RPTOR: variants seen among roughly 807,000 people sequenced by gnomAD.
RPTOR encodes regulatory-associated protein of mTOR.
In RPTOR, 21 loss-of-function variants were observed where a neutral mutation model predicts 169.9. The ratio of observed to expected loss-of-function variants is 0.12; its 90% CI spans 0.09 to 0.18. The LOEUF is 0.18. Among genes scored for constraint, RPTOR ranks in the 10% least tolerant of loss-of-function variants. The pLI is 1.00. For missense variants in RPTOR, 1,133 were observed against 1,855.9 expected, an observed-to-expected ratio of 0.61 and a Z score of 7.16; for synonymous variants, 732 against 753.2, an observed-to-expected ratio of 0.97 and a Z score of 0.46.
At chr17:80,688,827 G>A (rs2065968551) in intron 3 of RPTOR, among the ~76,000 whole-genome samples, 1 of 152,256 alleles carries the variant, frequency 6.6e-6, no homozygotes, top group Admixed American at 6.5e-5. Context: ...CCAGCTTGGG[G>A]CTGCTGCCTG....
chr17:80,898,205 G>A (rs2068430227), intron 20 of RPTOR, among the ~76,000 whole-genome samples: 1 of 152,150 alleles, frequency 6.6e-6, no homozygotes, highest in South Asian at 2.1e-4. Flanking sequence ...ATTCATTTCA[G>A]CTAAGTATTC....
At chr17:80,757,486 G>A (rs954554489) in intron 6 of RPTOR, among the ~76,000 whole-genome samples, 2 of 152,024 alleles carry the variant, frequency 1.3e-5, no homozygotes, top group East Asian at 1.9e-4. Context: ...CTCTATTTCT[G>A]CTTGTTTCTC....
chr17:80,593,688 C>A (rs1316385037), intron 1 of RPTOR: 1 of 152,216 alleles, frequency 6.6e-6, no homozygotes, highest in Non-Finnish European at 1.5e-5. Flanking sequence ...CCAGTGACTT[C>A]TATTCCTGAG....
chr17:80,830,048 GC>G (rs1180638171), intron 9 of RPTOR, among the ~76,000 whole-genome samples: 1 of 152,140 alleles, frequency 6.6e-6, no homozygotes. Flanking sequence ...TAAAAATTGG[GC>G]TTTAGATTTG....
At chr17:80,763,291 G>A (rs1300354321) in intron 6 of RPTOR, among the ~76,000 whole-genome samples, 1 of 152,086 alleles carries the variant, frequency 6.6e-6, no homozygotes, top group African/African-American at 2.4e-5. Flanking sequence ...GTATTTCAAA[G>A]GTTGGAAATC....
chr17:80,847,224 C>T (rs1288619489), intron 11 of RPTOR, among the ~76,000 whole-genome samples: 2 of 152,250 alleles, frequency 1.3e-5, no homozygotes, highest in African/African-American at 4.8e-5. Flanking sequence ...CCACGGGGCC[C>T]GTGTCATGTC....
At position 80,846,556 on chromosome 17, in the gene RPTOR, G is replaced by A; in HGVS notation, c.1296G>A (p.Gln432=). Residue 432 remains glutamine (Q), a synonymous_variant, in exon 11 of 34, where the codon CAG becomes CAA. Transcript: ENST00000306801. ...TGGAGAACCGAAACCCACCCGAACA[G>A]CTGCCCATCGTCCTGCAGGTGAGTT... is the stretch of plus-strand genomic sequence containing the variant. The part of the protein sequence containing the change: ...MGVENRNPPE[Q]LPIVLQVLLS... 6.2e-7 allele frequency: 1 copy of A among 1,614,214 alleles called. No individual in the cohort carries two copies. Among genetic ancestry groups the A allele is most frequent in the Non-Finnish European group, 8.5e-7 (1 of 1,180,016 alleles).
intron 1 of RPTOR, among the ~76,000 whole-genome samples, chr17:80,594,075 C>T (rs1221578297): frequency 6.6e-6 from 1 of 151,522 alleles, no homozygotes; most frequent in Non-Finnish European, 1.5e-5. Context: ...CTTTCTTTCT[C>T]TTCTCTTCTC....
At chr17:80,557,296 G>A (rs2084421583) in intron 1 of RPTOR, among the ~76,000 whole-genome samples, 1 of 152,142 alleles carries the variant, frequency 6.6e-6, no homozygotes, top group South Asian at 2.1e-4. Context: ...AAGGTGGGAG[G>A]ATCACTTGAG....
In RPTOR at chr17:80,659,142, T is replaced by C. The variant is rs1470015267; in HGVS notation, c.348+15332T>C. On this transcript the variant is annotated intron_variant, in intron 3 of 33. Transcript: ENST00000306801. This position sits in a 1 kb window ranked among gnomAD's most constrained non-coding sequence, Gnocchi z 4.3. ...GGTGGCAGCATCACGTCCTGCAGGC[T>C]GGAGCCCATGAGTGGTCCCCGAGAG... Among the ~76,000 whole-genome samples, 8 of 152,202 alleles carry C rather than the reference T, an allele frequency of 5.3e-5. No individual in the cohort carries two copies. Among genetic ancestry groups the C allele is most frequent in the African/African-American group, 1.7e-4 (7 of 41,444 alleles).
intron 6 of RPTOR, among the ~76,000 whole-genome samples, chr17:80,763,585 T>C (rs1296920557): frequency 2.0e-5 from 3 of 152,220 alleles, no homozygotes; most frequent in Non-Finnish European, 4.4e-5. Context: ...GGAAGCAACG[T>C]AAATACGACT....
In RPTOR at chr17:80,922,740, G is replaced by A. The variant is rs868675626; in HGVS notation, c.2537G>A (p.Arg846Gln). 10 of 1,588,214 alleles carry A rather than the reference G, an allele frequency of 6.3e-6. No individual in the cohort carries two copies. The highest frequency in any genetic ancestry group is 4.6e-5 in the South Asian group (4 of 87,716). The stretch of plus-strand genomic sequence containing the variant: ...TGCCCCTAGGCCACCGTGAACGCCC[G>A]GCCGCAGCGCGTCCTGGACACCTCC... ...SIAYKATVNA[R>Q]PQRVLDTSSL... The change falls in exon 22 of 34, where the codon CGG becomes CAG. Residue 846 changes from arginine to glutamine, a missense_variant. Physicochemically the swap from Arg to Gln is conservative, Grantham distance 43 (BLOSUM62 1). This residue lies in a region of RPTOR where 123 missense variants were observed against 129.0 expected (regional missense o/e 0.95). Coordinates refer to ENST00000306801, the MANE Select transcript of RPTOR (RefSeq NM_020761.3).
At chr17:80,574,327 G>C (rs2064939751) in intron 1 of RPTOR, among the ~76,000 whole-genome samples, 1 of 150,620 alleles carries the variant, frequency 6.6e-6, no homozygotes, top group Admixed American at 6.6e-5. Flanking sequence ...ACCGCGCCCG[G>C]CTAATTTTTT....
At chr17:80,587,124 C>T (rs1485249979) in intron 1 of RPTOR, among the ~76,000 whole-genome samples, 3 of 151,124 alleles carry the variant, frequency 2.0e-5, no homozygotes, top group African/African-American at 7.4e-5. Context: ...GGCGCCTCAC[C>T]GGCCCGGCGC....
chr17:80,662,707 T>C (rs2065734042), intron 3 of RPTOR, among the ~76,000 whole-genome samples: 1 of 152,140 alleles, frequency 6.6e-6, no homozygotes, highest in African/African-American at 2.4e-5. Context: ...CAAGGAATTA[T>C]AGAAAGGCAA....
intron 9 of RPTOR, among the ~76,000 whole-genome samples, chr17:80,828,351 A>G (rs2067467612): frequency 6.6e-6 from 1 of 152,182 alleles, no homozygotes; most frequent in South Asian, 2.1e-4. Flanking sequence ...TGCATTTTGC[A>G]GTCAGCTGCA....
chr17:80,756,470 C>T (rs1186496276), intron 6 of RPTOR, among the ~76,000 whole-genome samples: 1 of 152,140 alleles, frequency 6.6e-6, no homozygotes, highest in East Asian at 1.9e-4. Flanking sequence ...TTGGATATTT[C>T]AAAATAGCTT....
intron 24 of RPTOR, among the ~76,000 whole-genome samples, chr17:80,939,745 G>A (rs2069000542): frequency 6.6e-6 from 1 of 152,230 alleles, no homozygotes; most frequent in East Asian, 1.9e-4. Context: ...ATTAGAGAGA[G>A]AATAAAGGCA....
chr17:80,628,215 A>G (rs189602281), intron 2 of RPTOR, among the ~76,000 whole-genome samples: 2 of 152,216 alleles, frequency 1.3e-5, no homozygotes, highest in Admixed American at 1.3e-4. Context: ...AATGTCTTTT[A>G]TATTTACCTT....
Sources: gnomAD v4.1 joint callset for allele counts (sites outside exome capture counted in the v4.1 genomes callset) on GRCh38, gnomAD v4.1.1 for gene constraint, gnomAD v4.1.1 regional missense constraint, Gnocchi (gnomAD v3.1) non-coding constraint, MANE v1.5 for transcripts, NCBI Gene and HGNC (gene_info 2026-07-23, HGNC 2026-07-21) for gene names.